Variants in CLPB observed in about 807,000 individuals in gnomAD.
CLPB encodes the protein mitochondrial disaggregase.
A neutral mutation model predicts 78.4 loss-of-function variants in CLPB; 40 were observed. The ratio of observed to expected loss-of-function variants is 0.51; its 90% CI spans 0.40 to 0.66. The LOEUF is 0.66. Among genes scored for constraint, CLPB ranks in the 30% least tolerant of loss-of-function variants. CLPB has a pLI of 0.00. For synonymous variants in CLPB, 333 were observed against 348.0 expected (o/e 0.96, Z 0.48); for missense variants, 780 against 886.9 (o/e 0.88, Z 1.53).
At chr11:72,412,754 T>G (rs920201993) in intron 2 of CLPB, among the ~76,000 whole-genome samples, 1 of 152,176 alleles carries the variant, frequency 6.6e-6, no homozygotes, top group Non-Finnish European at 1.5e-5. Flanking sequence ...TTAGTTGCTA[T>G]TATTACACTT....
intron 2 of CLPB, among the ~76,000 whole-genome samples, chr11:72,404,319 G>A (rs749235638): frequency 6.6e-6 from 1 of 152,182 alleles, no homozygotes; most frequent in East Asian, 1.9e-4. Context: ...TTTTTCAGTG[G>A]GTTCTAGCCA....
intron 7 of CLPB, 23 bp from the exon 8 acceptor site, chr11:72,308,627 AG>A (rs765008199): frequency 1.2e-6 from 2 of 1,603,984 alleles, no homozygotes; most frequent in South Asian, 2.2e-5. Context: ...ACACAAGATC[AG>A]GGGACAGGGA....
At chr11:72,313,386 C>G (rs1303140346) in intron 7 of CLPB, among the ~76,000 whole-genome samples, 2 of 152,218 alleles carry the variant, frequency 1.3e-5, no homozygotes, top group African/African-American at 4.8e-5. Context: ...TGCAGGCAAA[C>G]TATTGCTGCC....
Position 72,293,250 on chromosome 11 carries a change from A to G in CLPB, c.*117T>C. The G allele has an allele frequency of 7.6e-7, 1 of 1,313,616 alleles. No individual in the cohort carries two copies. 81.4% of individuals were successfully genotyped at this position (1,313,616 alleles called of 1,614,324 possible). On this transcript the variant is annotated 3_prime_UTR_variant, in exon 16 of 16. Transcript: ENST00000538039. ...CTTCATGGGCTGTGAGGAGGTAAGCAGGCCTGAGACTGGGTAGAGATGGGA... is the reference window on the plus strand; with the variant it reads ...CTTCATGGGCTGTGAGGAGGTAAGCGGGCCTGAGACTGGGTAGAGATGGGA...
chr11:72,325,542 A>G (rs1289575562), intron 6 of CLPB, among the ~76,000 whole-genome samples: 3 of 152,224 alleles, frequency 2.0e-5, no homozygotes, highest in Non-Finnish European at 2.9e-5. Context: ...TGAGGGACAC[A>G]TCATTCAGAC....
At chr11:72,310,658 A>G (rs533100889) in intron 7 of CLPB, among the ~76,000 whole-genome samples, 44 of 152,314 alleles carry the variant, frequency 2.9e-4, no homozygotes, top group Non-Finnish European at 6.2e-4. Context: ...GTGTTCTTCT[A>G]AAAGTTGGCT....
Position 72,312,932 on chromosome 11 carries a change from G to C in CLPB, c.988+4174C>G, listed in dbSNP as rs542965979. 6.8e-4 allele frequency among the ~76,000 whole-genome samples: 103 copies of C among 152,240 alleles called. No homozygotes were observed. The highest frequency in any genetic ancestry group is 6.7e-3 in the Admixed American group (103 of 15,302). On this transcript the variant is annotated intron_variant, in intron 7 of 15. Coordinates refer to ENST00000538039, the MANE Select transcript of CLPB (RefSeq NM_001258392.3). This position sits in a 1 kb window ranked among gnomAD's most constrained non-coding sequence, Gnocchi z 4.2. Reference sequence around the variant, plus strand: ...ACATTTGTGCTTGAAGGGTGAGAGGGAGATTGCCAGCCACTTGCAGGTATG... The same window carrying C: ...ACATTTGTGCTTGAAGGGTGAGAGGCAGATTGCCAGCCACTTGCAGGTATG...
intron 3 of CLPB, among the ~76,000 whole-genome samples, chr11:72,388,497 C>G (rs540680272): frequency 1.3e-5 from 2 of 152,016 alleles, no homozygotes; most frequent in African/African-American, 2.4e-5. Flanking sequence ...GTGATCCGCC[C>G]GCTTCAGCCT....
At chr11:72,413,836 C>A (rs1040248427) in intron 2 of CLPB, among the ~76,000 whole-genome samples, 26 of 152,178 alleles carry the variant, frequency 1.7e-4, no homozygotes, top group African/African-American at 5.1e-4. Flanking sequence ...TGCATCCATT[C>A]GTTCCATAAA....
At chr11:72,300,397 T>C (rs12283674) in intron 11 of CLPB, among the ~76,000 whole-genome samples, 2,024 of 152,308 alleles carry the variant, frequency 0.013, 14 homozygotes, top group African/African-American at 0.028. Flanking sequence ...CATTCGGGTC[T>C]GGTCATAGCT....
intron 2 of CLPB, among the ~76,000 whole-genome samples, chr11:72,407,404 T>A (rs1046148814): frequency 6.6e-6 from 1 of 152,262 alleles, no homozygotes; most frequent in Non-Finnish European, 1.5e-5. Flanking sequence ...TTATCTTGCA[T>A]GTCTCTGATG....
intron 5 of CLPB, among the ~76,000 whole-genome samples, chr11:72,331,403 C>CAAA (rs748381781): frequency 1.7e-4 from 19 of 114,434 alleles, no homozygotes; most frequent in African/African-American, 5.9e-4. Context: ...GACTCTGTCT[C>CAAA]AAAAAAAAAA....
intron 2 of CLPB, among the ~76,000 whole-genome samples, chr11:72,424,634 G>A (rs1019093030): frequency 1.4e-4 from 22 of 151,886 alleles, no homozygotes; most frequent in Non-Finnish European, 2.8e-4. Context: ...GGTGGCTCAC[G>A]CCTGTAATCC....
At chr11:72,385,756 G>C (rs1254492453) in intron 3 of CLPB, among the ~76,000 whole-genome samples, 1 of 152,186 alleles carries the variant, frequency 6.6e-6, no homozygotes, top group Non-Finnish European at 1.5e-5. Flanking sequence ...CCGGGAGGCG[G>C]AGGATGCAGT....
intron 2 of CLPB, among the ~76,000 whole-genome samples, chr11:72,423,457 T>C (rs1162662383): frequency 6.6e-6 from 1 of 152,254 alleles, no homozygotes; most frequent in Non-Finnish European, 1.5e-5. Flanking sequence ...GTACCAGGCA[T>C]TGTCCTAACC....
At chr11:72,335,166 G>T (rs1166128301) in intron 5 of CLPB, among the ~76,000 whole-genome samples, 1 of 152,164 alleles carries the variant, frequency 6.6e-6, no homozygotes, top group Non-Finnish European at 1.5e-5. Context: ...ATGCTGATTG[G>T]TGCCACTATG....
At chr11:72,383,608 G>T (rs1854987597) in intron 3 of CLPB, among the ~76,000 whole-genome samples, 1 of 151,584 alleles carries the variant, frequency 6.6e-6, no homozygotes, top group South Asian at 2.1e-4. Context: ...ACATATAAGG[G>T]ACTTCCAATA....
chr11:72,301,793 G>A lies in CLPB; in HGVS notation c.1329+10C>T. ...GTCCCCCCGCTCCATCCTGGCCCAA[G>A]GTGACTCACCTCATCAAACAGCTGC... On this transcript the variant is annotated intron_variant, in intron 11 of 15. Coordinates refer to ENST00000538039, the MANE Select transcript of CLPB (RefSeq NM_001258392.3). The A allele has an allele frequency of 6.2e-7, 1 of 1,613,198 alleles. No individual in the cohort carries two copies. Among genetic ancestry groups the A allele is most frequent in the East Asian group, 2.2e-5 (1 of 44,884 alleles).
chr11:72,373,875 G>T (rs540038624), intron 4 of CLPB, among the ~76,000 whole-genome samples: 1 of 149,378 alleles, frequency 6.7e-6, no homozygotes, highest in African/African-American at 2.5e-5. Context: ...CAGGAGAATC[G>T]CCTGAACCCA....
Sources: gnomAD v4.1 joint callset for allele counts (sites outside exome capture counted in the v4.1 genomes callset) on GRCh38, gnomAD v4.1.1 for gene constraint, Gnocchi (gnomAD v3.1) non-coding constraint, MANE v1.5 for transcripts, NCBI Gene and HGNC (gene_info 2026-07-23, HGNC 2026-07-21) for gene names.